The following GUCY1A1 variants were observed in gnomAD, a reference collection of about 807,000 sequenced individuals.
The protein encoded by GUCY1A1 is guanylate cyclase 1 soluble subunit alpha 1, also known as guanylate cyclase soluble subunit alpha-1.
Under a neutral mutation model 64.5 loss-of-function variants are expected in GUCY1A1, and 48 were observed. The observed-to-expected ratio is 0.74, with a 90% confidence interval of 0.59 to 0.95. GUCY1A1 has a LOEUF of 0.95. Ranked by LOEUF, GUCY1A1 falls within the 40% of genes least tolerant of loss-of-function variation. The probability of loss-of-function intolerance (pLI) is 0.00; values close to 1 mark genes in which losing one functional copy is unlikely to be tolerated. For missense variants in GUCY1A1, 804 were observed against 825.3 expected, an observed-to-expected ratio of 0.97 and a Z score of 0.32; for synonymous variants, 308 against 303.4, an observed-to-expected ratio of 1.02 and a Z score of -0.16.
At chr4:155,687,799 C>A (rs578162661) in intron 2 of GUCY1A1, among the ~76,000 whole-genome samples, 1 of 152,140 alleles carries the variant, frequency 6.6e-6, no homozygotes, top group Non-Finnish European at 1.5e-5. Context: ...TTAACTGCTA[C>A]GCCAACTCCA....
chr4:155,697,976 A>G (rs1730626393), intron 3 of GUCY1A1, among the ~76,000 whole-genome samples: 1 of 152,310 alleles, frequency 6.6e-6, no homozygotes, highest in South Asian at 2.1e-4. Flanking sequence ...ATCAGACACC[A>G]GCTAACATAA....
chr4:155,710,234 A>G (rs944746525), intron 5 of GUCY1A1, among the ~76,000 whole-genome samples: 4 of 152,184 alleles, frequency 2.6e-5, no homozygotes, highest in Admixed American at 6.5e-5. Context: ...GCCAAAATGT[A>G]CTTAATACTG....
chr4:155,673,773 C>T, intron 2 of GUCY1A1, among the ~76,000 whole-genome samples: 1 of 151,360 alleles, frequency 6.6e-6, no homozygotes, highest in East Asian at 1.9e-4. Flanking sequence ...TTCGTTTCCC[C>T]TTGTTCAATC....
At chr4:155,706,926 C>G (rs1054336269) in intron 4 of GUCY1A1, among the ~76,000 whole-genome samples, 1 of 152,172 alleles carries the variant, frequency 6.6e-6, no homozygotes, top group Non-Finnish European at 1.5e-5. Flanking sequence ...AATAAAAAAG[C>G]ATGCTATTAC....
At chr4:155,674,124 G>A (rs1734536648) in intron 2 of GUCY1A1, among the ~76,000 whole-genome samples, 1 of 151,146 alleles carries the variant, frequency 6.6e-6, no homozygotes, top group Admixed American at 6.6e-5. Flanking sequence ...GGGAGGCCGA[G>A]GCGGGTAGAT....
rs142422230 is a variant in GUCY1A1 at position 155,666,960 on chromosome 4, A to T, written c.-192A>T. 1 of 152,542 alleles carries T rather than the reference A, an allele frequency of 6.6e-6. No homozygotes were observed. The highest frequency in any genetic ancestry group is 1.5e-5 in the Non-Finnish European group (1 of 68,298). 9.4% of individuals were successfully genotyped at this position (152,542 alleles called of 1,614,324 possible). On this transcript the variant is annotated 5_prime_UTR_variant, in exon 1 of 10. Coordinates refer to ENST00000506455, the MANE Select transcript of GUCY1A1 (RefSeq NM_001130682.3). ...AGAGACCCCAGCCGGGCGTGATCTC[A>T]CCATGGTGCGTTTTGGCTGCTACTT...
chr4:155,720,334 TTATTCTATCTATCTATC>T (rs1311173174), intron 8 of GUCY1A1, among the ~76,000 whole-genome samples: 1 of 141,366 alleles, frequency 7.1e-6, no homozygotes, highest in Non-Finnish European at 1.5e-5. Flanking sequence ...CAGAAGAGCT[TTATTCTATCTATCTATC>T]TATCTATCTA....
chr4:155,668,710 C>A (rs781370259), intron 2 of GUCY1A1, among the ~76,000 whole-genome samples: 1 of 152,000 alleles, frequency 6.6e-6, no homozygotes, highest in Non-Finnish European at 1.5e-5. Context: ...ATTTCAGGTA[C>A]CCTATTATGT....
At chr4:155,697,398 T>C (rs2126745529) in intron 3 of GUCY1A1, among the ~76,000 whole-genome samples, 1 of 152,322 alleles carries the variant, frequency 6.6e-6, no homozygotes, top group South Asian at 2.1e-4. Flanking sequence ...CCTCTTTACC[T>C]CAGCTTCCTT....
chr4:155,670,798 AAATT>A (rs1350683630), intron 2 of GUCY1A1, among the ~76,000 whole-genome samples: 1 of 152,170 alleles, frequency 6.6e-6, no homozygotes, highest in East Asian at 1.9e-4. Context: ...AGGCCAAGTC[AAATT>A]AATTAACTCA....
At chr4:155,700,451 T>G (rs546933747) in intron 3 of GUCY1A1, among the ~76,000 whole-genome samples, 1 of 152,310 alleles carries the variant, frequency 6.6e-6, no homozygotes, top group African/African-American at 2.4e-5. Flanking sequence ...AATAGTGACT[T>G]ATCCATAAAC....
intron 2 of GUCY1A1, among the ~76,000 whole-genome samples, chr4:155,686,774 T>C (rs1729051023): frequency 6.6e-6 from 1 of 152,150 alleles, no homozygotes. Flanking sequence ...GAGTAGAAAA[T>C]GAGGTTTAAA....
rs544798351 is a variant in GUCY1A1 at position 155,670,342 on chromosome 4, T to C, written c.-113+2923T>C. ...TCTGCAATAGTTTGTTTTGGGTGTC[T>C]ACATCTTGACTTGATATAAGAAGAG... On this transcript the variant is annotated intron_variant, in intron 2 of 9. Coordinates refer to ENST00000506455, the MANE Select transcript of GUCY1A1 (RefSeq NM_001130682.3). Among the ~76,000 whole-genome samples, 137 of 152,360 alleles carry C rather than the reference T, an allele frequency of 9.0e-4. 1 individual carries two copies. Among genetic ancestry groups the C allele is most frequent in the Middle Eastern group, 6.8e-3 (2 of 294 alleles).
In GUCY1A1 at chr4:155,734,287, C is replaced by A. The variant is rs2110847442; in HGVS notation, c.*4056C>A. Among the ~76,000 whole-genome samples, 1 of 152,046 alleles carries A rather than the reference C, an allele frequency of 6.6e-6. No homozygotes were observed. Among genetic ancestry groups the A allele is most frequent in the South Asian group, 2.1e-4 (1 of 4,828 alleles). ...AACTGCCCAGATGGAGCTTTACATG[C>A]AAAGCTCCAGTGAAGTCTAGTGCTG... On this transcript the variant is annotated 3_prime_UTR_variant, in exon 10 of 10. Transcript: ENST00000506455.
At chr4:155,686,368 C>T (rs897517155) in intron 2 of GUCY1A1, among the ~76,000 whole-genome samples, 1 of 152,124 alleles carries the variant, frequency 6.6e-6, no homozygotes, top group Non-Finnish European at 1.5e-5. Context: ...GTTGTCCCAG[C>T]TACTCAGGAG....
chr4:155,689,784 G>A (rs571022483), intron 2 of GUCY1A1, among the ~76,000 whole-genome samples: 1 of 152,244 alleles, frequency 6.6e-6, no homozygotes, highest in East Asian at 1.9e-4. Context: ...GTTGCCACCC[G>A]GCGAGTCGGG....
rs1471969129 is a variant in GUCY1A1, at chr4:155,735,634, G to T, written c.*5403G>T. On this transcript the variant is annotated 3_prime_UTR_variant, in exon 10 of 10. Transcript: ENST00000506455. ...TTGGCTGAAAATGACTTTGCATAAT[G>T]CCCAAATCTTGAAGTATCTGCTCAG... 6.6e-6 allele frequency: 1 copy of T among 151,978 alleles called. No individual in the cohort carries two copies. The highest frequency in any genetic ancestry group is 2.4e-5 in the African/African-American group (1 of 41,410). 9.4% of individuals were successfully genotyped at this position (151,978 alleles called of 1,614,324 possible). A position where few individuals can be genotyped will look rare whatever the true frequency, so the allele number is the denominator to read the frequency against.
intron 4 of GUCY1A1, 25 bp from the exon 5 acceptor site, chr4:155,708,211 A>T (rs1732060089): frequency 2.6e-6 from 3 of 1,137,668 alleles, no homozygotes; most frequent in Non-Finnish European, 4.0e-6. Flanking sequence ...TAAGTTTATA[A>T]CTTAAAATAT....
At position 155,711,239 on chromosome 4, in the gene GUCY1A1, A is replaced by G. The variant is rs11944673; in HGVS notation, c.1074A>G (p.Lys358=). 0.98 allele frequency: 1,520,933 copies of G among 1,545,266 alleles called. 748,584 individuals carry two copies. The highest frequency in any genetic ancestry group is 1 in the East Asian group (44,378 of 44,380). ...VRVRRWDNSV[K]KSSRVMDLKG... is the part of the protein sequence containing the mutation. ...TGAGGAGATGGGACAACTCTGTGAA[A>G]AAATCTTCAAGGGTAAGGAAAACAT... The change falls in exon 6 of 10, where the codon AAA becomes AAG. Residue 358 remains lysine (K), a synonymous_variant. Transcript: ENST00000506455.
Sources: gnomAD v4.1 joint callset for allele counts (sites outside exome capture counted in the v4.1 genomes callset) on GRCh38, gnomAD v4.1.1 for gene constraint, MANE v1.5 for transcripts, NCBI Gene and HGNC (gene_info 2026-07-23, HGNC 2026-07-21) for gene names.